The following TXLNB variants were observed in gnomAD, a reference collection of about 807,000 sequenced individuals.
The protein encoded by TXLNB is beta-taxilin.
Under a neutral mutation model 57.4 loss-of-function variants are expected in TXLNB, and 37 were observed. The ratio of observed to expected loss-of-function variants is 0.64; its 90% CI spans 0.50 to 0.85. The LOEUF is 0.85. Among genes scored for constraint, TXLNB ranks in the 40% least tolerant of loss-of-function variants. The pLI is 0.00. For missense variants in TXLNB, 848 were observed against 825.6 expected (o/e 1.03, Z -0.33); for synonymous variants, 302 against 309.6 (o/e 0.98, Z 0.26).
the TXLNB span, among the ~76,000 whole-genome samples, chr6:139,308,348 G>GTGACTTCCA: frequency 6.6e-6 from 1 of 152,176 alleles, no homozygotes. Flanking sequence ...CACTATATTG[G>GTGACTTCCA]AAGGACTTCC....
intron 7 of TXLNB, among the ~76,000 whole-genome samples, chr6:139,249,993 A>C (rs1422311002): frequency 1.3e-5 from 2 of 151,964 alleles, no homozygotes; most frequent in Non-Finnish European, 2.9e-5. Flanking sequence ...CGCATGGTGC[A>C]TAAGACAATG....
intron 2 of TXLNB, among the ~76,000 whole-genome samples, chr6:139,282,276 C>T (rs945813565): frequency 1.4e-5 from 2 of 147,458 alleles, no homozygotes; most frequent in Admixed American, 1.3e-4. Context: ...GTGACCGGAC[C>T]GTTCAAAGGA....
rs1226338919 is a variant in TXLNB at position 139,272,791 on chromosome 6, T to G, written c.517-2165A>C. Among the ~76,000 whole-genome samples the G allele has an allele frequency of 2.0e-5, 3 of 152,194 alleles. No individual in the cohort carries two copies. In the East Asian group the frequency reaches 5.8e-4, roughly 29 times the overall value. On this transcript the variant is annotated intron_variant, in intron 3 of 9. Coordinates refer to ENST00000358430, the MANE Select transcript of TXLNB (RefSeq NM_153235.4). ...GCTCATGCCTGTAATCCCAGCACTC[T>G]GGGAGGCTGAGGCAGGCGGATCACC...
chr6:139,302,320 GAAA>G, the TXLNB span, among the ~76,000 whole-genome samples: 4 of 124,558 alleles, frequency 3.2e-5, no homozygotes, highest in South Asian at 2.5e-4. Context: ...AGAGAGAGGA[GAAA>G]AAAAAAAAAA....
At chr6:139,192,404 A>G in the TXLNB span, among the ~76,000 whole-genome samples, 1 of 152,184 alleles carries the variant, frequency 6.6e-6, no homozygotes, top group African/African-American at 2.4e-5. Context: ...TTTCAATAAC[A>G]ATTATCACCT....
the TXLNB span, among the ~76,000 whole-genome samples, chr6:139,168,397 G>C: frequency 6.7e-6 from 1 of 148,894 alleles, no homozygotes; most frequent in African/African-American, 2.5e-5. Flanking sequence ...GTTTTTATTA[G>C]GGTTAATTGA....
chr6:139,208,349 T>C, the TXLNB span, among the ~76,000 whole-genome samples: 1 of 152,206 alleles, frequency 6.6e-6, no homozygotes, highest in East Asian at 1.9e-4. Context: ...GATTCACTGC[T>C]GAATTCTACC....
the TXLNB span, among the ~76,000 whole-genome samples, chr6:139,162,102 G>A: frequency 6.6e-6 from 1 of 152,122 alleles, no homozygotes; most frequent in Non-Finnish European, 1.5e-5. Flanking sequence ...GCCCAGTGGT[G>A]CCGGAAACAC....
chr6:139,316,688 T>C, the TXLNB span, among the ~76,000 whole-genome samples: 2 of 152,226 alleles, frequency 1.3e-5, no homozygotes, highest in Non-Finnish European at 2.9e-5. Flanking sequence ...CTGTAAAAAG[T>C]ATTTTTTAAA....
At chr6:139,254,147 G>A (rs1471857483) in intron 7 of TXLNB, among the ~76,000 whole-genome samples, 1 of 152,162 alleles carries the variant, frequency 6.6e-6, no homozygotes, top group East Asian at 1.9e-4. Context: ...TCAGAGAGTA[G>A]TTCATACTGG....
At chr6:139,273,728 G>T (rs901013661) in intron 3 of TXLNB, among the ~76,000 whole-genome samples, 1 of 152,228 alleles carries the variant, frequency 6.6e-6, no homozygotes, top group South Asian at 2.1e-4. Context: ...AGAGTGCTGG[G>T]ATTACAGGCA....
the TXLNB span, chr6:139,166,267 C>G: frequency 1.9e-6 from 3 of 1,573,518 alleles, no homozygotes; most frequent in Non-Finnish European, 2.6e-6. Flanking sequence ...TCTGTTCTCT[C>G]TTTATTCCTC....
At chr6:139,235,004 G>A in the TXLNB span, among the ~76,000 whole-genome samples, 1 of 152,230 alleles carries the variant, frequency 6.6e-6, no homozygotes, top group Non-Finnish European at 1.5e-5. Flanking sequence ...AGTCAAAGGA[G>A]ATCATTATGG....
chr6:139,216,159 A>G, the TXLNB span, among the ~76,000 whole-genome samples: 2 of 152,106 alleles, frequency 1.3e-5, no homozygotes, highest in African/African-American at 4.8e-5. Flanking sequence ...ATGCTGCTAT[A>G]AAGACACATG....
In TXLNB at chr6:139,270,552, C is replaced by T; in HGVS notation, c.591G>A (p.Lys197=). 1.2e-6 allele frequency: 2 copies of T among 1,614,114 alleles called. No homozygotes were observed. Among genetic ancestry groups the T allele is most frequent in the Non-Finnish European group, 1.7e-6 (2 of 1,179,982 alleles). Residue 197 remains lysine (K), a synonymous_variant, in exon 4 of 10, where the codon AAG becomes AAA. Coordinates refer to ENST00000358430, the MANE Select transcript of TXLNB (RefSeq NM_153235.4). ...TGCTGTGTTCACCTTGTAACTGGTC[C>T]TTTTCTTTTTGAATTTGTACCTGTT... is the stretch of plus-strand genomic sequence containing the variant. ...QKKQVQIQKE[K]DQLQGEHSRA...
In TXLNB at chr6:139,280,013, T is replaced by C. The variant is rs183189422; in HGVS notation, c.425-3092A>G. Among the ~76,000 whole-genome samples the C allele has an allele frequency of 4.4e-3, 676 of 152,048 alleles. 5 individuals carry two copies. Among genetic ancestry groups the C allele is most frequent in the South Asian group, 0.014 (69 of 4,812 alleles). On this transcript the variant is annotated intron_variant, in intron 2 of 9. Transcript: ENST00000358430. ...AAAACTGGCCGAGCGTGGTGGCTCA[T>C]GCTTGCCGAGGCGGGCAGATCACGA...
chr6:139,293,940 G>A (rs561051284), upstream of TXLNB, among the ~76,000 whole-genome samples: 15 of 152,212 alleles, frequency 9.9e-5, no homozygotes, highest in African/African-American at 2.9e-4. Flanking sequence ...AAACTGACCC[G>A]ATCACATCTC....
At position 139,255,585 on chromosome 6, in the gene TXLNB, T is replaced by C; in HGVS notation, c.1056A>G (p.Gln352=). 1 of 1,613,896 alleles carries C rather than the reference T, an allele frequency of 6.2e-7. No homozygotes were observed. Among genetic ancestry groups the C allele is most frequent in the Non-Finnish European group, 8.5e-7 (1 of 1,179,856 alleles). The change falls in exon 7 of 10, where the codon CAA becomes CAG. Residue 352 remains glutamine, a synonymous_variant. Transcript: ENST00000358430. The part of the protein sequence containing the change: ...WKLQAKVLKE[Q]ETVLQAQLTL... ...TCACCTGAGCCTGCAGGACTGTCTC[T>C]TGCTCCTTCAGCACTTTCGCCTGAA...
chr6:139,219,902 G>T, the TXLNB span, among the ~76,000 whole-genome samples: 1 of 152,168 alleles, frequency 6.6e-6, no homozygotes, highest in African/African-American at 2.4e-5. Flanking sequence ...AGAGTATTAG[G>T]CTTTGTCCAA....
Sources: allele counts gnomAD v4.1 joint callset (sites outside exome capture counted in the v4.1 genomes callset), GRCh38; gene constraint gnomAD v4.1.1; transcripts MANE v1.5; gene names NCBI Gene and HGNC (gene_info 2026-07-23, HGNC 2026-07-21).